INPPL1: variants seen among roughly 807,000 people sequenced by gnomAD.
INPPL1 encodes the protein phosphatidylinositol 3,4,5-trisphosphate 5-phosphatase 2.
In INPPL1, 91 loss-of-function variants were observed where a neutral mutation model predicts 139.3. The ratio of observed to expected loss-of-function variants is 0.65; its 90% CI spans 0.55 to 0.78. The LOEUF is 0.78. INPPL1 is among the 30% of genes least tolerant of loss of function. INPPL1 has a pLI of 0.00. For synonymous variants in INPPL1, 719 were observed against 686.6 expected, an observed-to-expected ratio of 1.05 and a Z score of -0.74; for missense variants, 1,411 against 1,665.6, an observed-to-expected ratio of 0.85 and a Z score of 2.66.
chr11:72,230,088 G>A (rs761335284), intron 8 of INPPL1, 33 bp from the exon 9 acceptor site: 43 of 1,612,328 alleles, frequency 2.7e-5, no homozygotes, highest in Non-Finnish European at 3.4e-5. Context: ...CTACTCCAAG[G>A]TCTTGTCAGC....
chr11:72,238,994 G>C lies in INPPL1; in HGVS notation c.*641G>C, dbSNP rs958508484. 1 of 152,642 alleles carries C rather than the reference G, an allele frequency of 6.6e-6. No individual in the cohort carries two copies. The highest frequency in any genetic ancestry group is 2.4e-5 in the African/African-American group (1 of 41,414). The allele number at this position is 152,642 out of a possible 1,614,324, so 9.5% of individuals were successfully genotyped here. A position where few individuals can be genotyped will look rare whatever the true frequency, so the allele number is the denominator to read the frequency against. Reference sequence around the variant, plus strand: ...CTGGGGATGCACGGCGGCAGGGTGGGGGAGGGAGGTTCCTCGCAGGTCTCA... The same window carrying C: ...CTGGGGATGCACGGCGGCAGGGTGGCGGAGGGAGGTTCCTCGCAGGTCTCA... On this transcript the variant is annotated 3_prime_UTR_variant, in exon 28 of 28. Transcript: ENST00000298229.
intron 26 of INPPL1, 93 bp downstream of exon 26, chr11:72,237,889 C>T: frequency 6.8e-7 from 1 of 1,471,036 alleles, no homozygotes; most frequent in Non-Finnish European, 9.1e-7. Flanking sequence ...CTCATGGTGT[C>T]CCTGCTACCC....
chr11:72,234,715 C>T lies in INPPL1; in HGVS notation c.2415+100C>T. On this transcript the variant is annotated intron_variant, in intron 21 of 27. Transcript: ENST00000298229. The surrounding 1 kb of genome is among the most constrained non-coding windows in gnomAD (Gnocchi z 4.2). Reference sequence around the variant, plus strand: ...TGCCTGGGAGGGAGTGTGGGGCCAGCAGAGAGAGAGAGAGAGAGTGTGTGT... The same window carrying T: ...TGCCTGGGAGGGAGTGTGGGGCCAGTAGAGAGAGAGAGAGAGAGTGTGTGT... 1.6e-6 allele frequency: 1 copy of T among 614,794 alleles called. No individual in the cohort carries two copies. Among genetic ancestry groups the T allele is most frequent in the Non-Finnish European group, 2.8e-6 (1 of 353,496 alleles). 38.1% of individuals were successfully genotyped at this position (614,794 alleles called of 1,614,324 possible). A position where few individuals can be genotyped will look rare whatever the true frequency, so the allele number is the denominator to read the frequency against.
Position 72,237,225 on chromosome 11 carries a change from A to C in INPPL1, c.2981A>C (p.His994Pro), listed in dbSNP as rs1249936544. Reference sequence around the variant, plus strand: ...TACTACGTCCTTGAAGGGGTCCCGCACCAGCTGCTGCCCCCGGAGCCACCC... The same window carrying C: ...TACTACGTCCTTGAAGGGGTCCCGCCCCAGCTGCTGCCCCCGGAGCCACCC... Reference protein sequence around the residue: ...PAYYVLEGVPHQLLPPEPPSP... With the variant: ...PAYYVLEGVPPQLLPPEPPSP... Residue 994 changes from histidine (H) to proline (P), a missense_variant, in exon 26 of 28, where the codon CAC becomes CCC. This residue lies in a region of INPPL1 where 438 missense variants were observed against 425.7 expected (regional missense o/e 1.03). Coordinates refer to ENST00000298229, the MANE Select transcript of INPPL1 (RefSeq NM_001567.4). 1.2e-6 allele frequency: 2 copies of C among 1,613,816 alleles called. No homozygotes were observed. Among genetic ancestry groups the C allele is most frequent in the Non-Finnish European group, 1.7e-6 (2 of 1,179,990 alleles).
rs1041030521 is a variant in INPPL1, at chr11:72,228,748, C to T, written c.419C>T (p.Pro140Leu). The stretch of plus-strand genomic sequence containing the variant: ...ACAGATGGGGAGGATGAGAAGCCCC[C>T]GCTGCCCCCGCGCTCTGGCTCCACC... Reference protein sequence around the residue: ...DASDGEDEKPPLPPRSGSTSI... With the variant: ...DASDGEDEKPLLPPRSGSTSI... The change falls in exon 4 of 28, where the codon CCG becomes CTG. Residue 140 changes from proline to leucine, a missense_variant. Pro to Leu is a moderately conservative substitution (Grantham distance 98). This residue lies in a region of INPPL1 where 504 missense variants were observed against 595.6 expected (regional missense o/e 0.85). Coordinates refer to ENST00000298229, the MANE Select transcript of INPPL1 (RefSeq NM_001567.4). This position sits in a 1 kb window ranked among gnomAD's most constrained non-coding sequence, Gnocchi z 5.0. 9 of 1,607,426 alleles carry T rather than the reference C, an allele frequency of 5.6e-6. No homozygotes were observed. Among genetic ancestry groups the T allele is most frequent in the Middle Eastern group, 1.7e-4 (1 of 6,026 alleles).
chr11:72,237,442 C>T lies in INPPL1; in HGVS notation c.3198C>T (p.Pro1066=), dbSNP rs762333405. The T allele has an allele frequency of 1.2e-6, 2 of 1,610,714 alleles. No homozygotes were observed. Among genetic ancestry groups the T allele is most frequent in the Admixed American group, 1.7e-5 (1 of 59,934 alleles). The change falls in exon 26 of 28, where the codon CCC becomes CCT. Residue 1066 remains proline, a synonymous_variant. Transcript: ENST00000298229. The stretch of plus-strand genomic sequence containing the variant: ...TGCCGGACTCAGCCATCTTCCTGCC[C>T]CCCAGCCTGGATCCTTTACCAGGGC... ...PPLPDSAIFL[P]PSLDPLPGPV...
rs566879091 is a variant in INPPL1 at position 72,235,369 on chromosome 11, T to C, written c.2577T>C (p.Arg859=). Residue 859 remains arginine (R), a synonymous_variant, in exon 23 of 28, where the codon CGT becomes CGC. Transcript: ENST00000298229. The surrounding 1 kb of genome is among the most constrained non-coding windows in gnomAD (Gnocchi z 4.9). Reference sequence around the variant, plus strand: ...AGTTCCTGACCTTCCTATCCCACCGTGGCGAGGAGACAGGCAATATCAGAG... The same window carrying C: ...AGTTCCTGACCTTCCTATCCCACCGCGGCGAGGAGACAGGCAATATCAGAG... ...AQQFLTFLSH[R]GEETGNIRGS... is the part of the protein sequence containing the mutation. 9 of 1,614,006 alleles carry C rather than the reference T, an allele frequency of 5.6e-6. No individual in the cohort carries two copies. The South Asian group carries it at 8.8e-5, about 16-fold the overall frequency.
Position 72,228,605 on chromosome 11 carries a change from T to C in INPPL1, c.397+107T>C. On this transcript the variant is annotated intron_variant, in intron 3 of 27. Transcript: ENST00000298229. This position sits in a 1 kb window ranked among gnomAD's most constrained non-coding sequence, Gnocchi z 5.0. ...ACCTCTCCTGTAACCCCCTTTCCCT[T>C]GGCCATGATGCCGGGGCCCTTTAAC... The C allele has an allele frequency of 6.5e-7, 1 of 1,536,630 alleles. No individual in the cohort carries two copies. The highest frequency in any genetic ancestry group is 8.8e-7 in the Non-Finnish European group (1 of 1,133,326).
At position 72,225,165 on chromosome 11, in the gene INPPL1, CTG is replaced by C; in HGVS notation, c.182+2_182+3del. 1 of 1,231,502 alleles carries C rather than the reference CTG, an allele frequency of 8.1e-7. No individual in the cohort carries two copies. Among genetic ancestry groups the C allele is most frequent in the Non-Finnish European group, 1.0e-6 (1 of 987,526 alleles). 76.3% of individuals were successfully genotyped at this position (1,231,502 alleles called of 1,614,324 possible). A position where few individuals can be genotyped will look rare whatever the true frequency, so the allele number is the denominator to read the frequency against. ...GGCGGGGGCCTTCGCGCTCTGCGTC[CTG>C]TGAGTGGGGCGGGGGCTCCTTGCGG... On this transcript the variant is annotated splice_donor_variant and coding_sequence_variant, in exon 1 of 28. Transcript: ENST00000298229. LOFTEE classifies it high-confidence loss of function.
At chr11:72,236,048 C>T (rs1948981923) in intron 25 of INPPL1, 62 bp downstream of exon 25, 5 of 911,898 alleles carry the variant, frequency 5.5e-6, no homozygotes, top group African/African-American at 3.4e-5. Flanking sequence ...ATCACTATCC[C>T]CTGCAGGGTC....
chr11:72,224,290 TC>T (rs1168327720), upstream of INPPL1, among the ~76,000 whole-genome samples: 4 of 146,356 alleles, frequency 2.7e-5, no homozygotes, highest in African/African-American at 1.0e-4. Context: ...GGGCTGCATT[TC>T]GCAGGAGTTG....
Position 72,235,396 on chromosome 11 carries a change from C to T in INPPL1, c.2604C>T (p.Gly868=). 2 of 1,613,992 alleles carry T rather than the reference C, an allele frequency of 1.2e-6. No homozygotes were observed. Among genetic ancestry groups the T allele is most frequent in the Non-Finnish European group, 1.7e-6 (2 of 1,180,016 alleles). Residue 868 remains glycine, a synonymous_variant, in exon 23 of 28, where the codon GGC becomes GGT. Coordinates refer to ENST00000298229, the MANE Select transcript of INPPL1 (RefSeq NM_001567.4). This position sits in a 1 kb window ranked among gnomAD's most constrained non-coding sequence, Gnocchi z 4.9. ...GCGAGGAGACAGGCAATATCAGAGG[C>T]TCCATGAAGGTGCGGGTGCCCACGG... ...HRGEETGNIR[G]SMKVRVPTER... is the part of the protein sequence containing the mutation.
chr11:72,233,456 C>A lies in INPPL1; in HGVS notation c.2056C>A (p.Pro686Thr). 6.2e-7 allele frequency: 1 copy of A among 1,614,094 alleles called. No individual in the cohort carries two copies. Among genetic ancestry groups the A allele is most frequent in the African/African-American group, 1.3e-5 (1 of 75,042 alleles). The change falls in exon 18 of 28, where the codon CCC becomes ACC. Residue 686 changes from proline to threonine, a missense_variant. By Grantham distance (38) the Pro-to-Thr change is conservative (BLOSUM62 -1). Around this residue, in one of 5 missense-constraint regions of INPPL1, gnomAD observed 363 missense variants for 446.2 expected, o/e 0.81. Transcript: ENST00000298229. ...QKPTGVRTNVPSWCDRILWKS... is the reference protein window; with the variant it reads ...QKPTGVRTNVTSWCDRILWKS... ...CCTGCCCCAGGTCCGGACCAATGTG[C>A]CCTCATGGTGTGACCGGATTCTGTG...
Position 72,228,817 on chromosome 11 carries a change from C to T in INPPL1, c.488C>T (p.Pro163Leu). Residue 163 changes from proline to leucine, a missense_variant, in exon 4 of 28, where the codon CCT (proline) becomes CTT (leucine). By Grantham distance (98) the Pro-to-Leu change is moderately conservative (BLOSUM62 -3). Transcript: ENST00000298229. The surrounding 1 kb of genome is among the most constrained non-coding windows in gnomAD (Gnocchi z 5.0). ...PTGPSSPLPA[P>L]ETPTAPAAES... ...GGGCCCAGCAGTCCCCTGCCAGCTC[C>T]TGAGACTCCCACAGCTCCAGCTGCT... The T allele has an allele frequency of 2.5e-6, 4 of 1,612,706 alleles. No individual in the cohort carries two copies. Among genetic ancestry groups the T allele is most frequent in the South Asian group, 1.1e-5 (1 of 90,920 alleles).
intron 1 of INPPL1, among the ~76,000 whole-genome samples, chr11:72,225,839 C>T (rs1288943748): frequency 6.6e-6 from 1 of 152,200 alleles, no homozygotes; most frequent in African/African-American, 2.4e-5. Context: ...CAGAGCCAGA[C>T]TTGGTGCTTC....
Position 72,233,481 on chromosome 11 carries a change from G to A in INPPL1, c.2081G>A (p.Trp694Ter). Residue 694 changes from tryptophan to a stop codon, truncating the protein, a stop_gained, in exon 18 of 28, where the codon TGG (tryptophan) becomes TAG (stop). Transcript: ENST00000298229. LOFTEE classifies it high-confidence loss of function. ...NVPSWCDRILWKSYPETHIIC... is the reference protein window; with the variant it reads ...NVPSWCDRIL ...CCCTCATGGTGTGACCGGATTCTGTGGAAATCCTACCCTGAAACTCACATC... is the reference window on the plus strand; with the variant it reads ...CCCTCATGGTGTGACCGGATTCTGTAGAAATCCTACCCTGAAACTCACATC... 1 of 1,614,158 alleles carries A rather than the reference G, an allele frequency of 6.2e-7. No individual in the cohort carries two copies.
chr11:72,226,147 G>T (rs973416526), intron 1 of INPPL1, among the ~76,000 whole-genome samples: 3 of 151,480 alleles, frequency 2.0e-5, no homozygotes, highest in Non-Finnish European at 2.9e-5. Context: ...TCTTTGGTCG[G>T]GGCGCACATT....
Position 72,230,222 on chromosome 11 carries a change from G to C in INPPL1, c.1041G>C (p.Arg347=). The change falls in exon 9 of 28, where the codon CGG becomes CGC. Residue 347 remains arginine, a synonymous_variant. Transcript: ENST00000298229. ...AGGGTGGGCGGCTGGTGCTGCTGCG[G>C]AGACAGCGGGACTCCCAGGAGGACT... is the stretch of plus-strand genomic sequence containing the variant. ...DVEGGRLVLL[R]RQRDSQEDWT... 1 of 1,611,328 alleles carries C rather than the reference G, an allele frequency of 6.2e-7. No individual in the cohort carries two copies. The highest frequency in any genetic ancestry group is 1.1e-5 in the South Asian group (1 of 90,780).
At position 72,235,878 on chromosome 11, in the gene INPPL1, C is replaced by T. The variant is rs773078981; in HGVS notation, c.2771C>T (p.Ala924Val). 2 of 1,613,300 alleles carry T rather than the reference C, an allele frequency of 1.2e-6. No homozygotes were observed. The highest frequency in any genetic ancestry group is 1.7e-6 in the Non-Finnish European group (2 of 1,179,758). The change falls in exon 25 of 28, where the codon GCC becomes GTC. Residue 924 changes from alanine to valine, a missense_variant. Transcript: ENST00000298229. This position sits in a 1 kb window ranked among gnomAD's most constrained non-coding sequence, Gnocchi z 4.9. Reference protein sequence around the residue: ...SGSRKPAFTEASCPLSRLFEE... With the variant: ...SGSRKPAFTEVSCPLSRLFEE... ...AGCCGCAAGCCAGCCTTCACAGAGG[C>T]CTCCTGCCCGCTCTCCAGGTTATTT...
Sources: gnomAD v4.1 joint callset for allele counts (sites outside exome capture counted in the v4.1 genomes callset) on GRCh38, gnomAD v4.1.1 for gene constraint, gnomAD v4.1.1 regional missense constraint, Gnocchi (gnomAD v3.1) non-coding constraint, MANE v1.5 for transcripts, NCBI Gene and HGNC (gene_info 2026-07-23, HGNC 2026-07-21) for gene names.